Variants in DCBLD2 observed in about 807,000 individuals in gnomAD.
DCBLD2 encodes discoidin, CUB and LCCL domain-containing protein 2.
DCBLD2 carries 54 observed loss-of-function variants against 86.8 expected under a neutral mutation model. That is an observed-to-expected ratio of 0.62 (90% CI 0.50 to 0.78). The LOEUF (loss-of-function observed/expected upper bound fraction) is 0.78, where lower values mean the gene tolerates loss of function less well. DCBLD2 is among the 30% of genes least tolerant of loss of function. DCBLD2 has a pLI of 0.00. For synonymous variants in DCBLD2, 354 were observed against 341.3 expected (o/e 1.04, Z -0.41); for missense variants, 908 against 954.2 (o/e 0.95, Z 0.64).
intron 3 of DCBLD2, among the ~76,000 whole-genome samples, chr3:98,840,543 C>T (rs1942601396): frequency 1.3e-5 from 2 of 152,202 alleles, no homozygotes; most frequent in South Asian, 4.1e-4. Context: ...GTCACCGAGG[C>T]TAGAGTGCAG....
rs916918844 is a variant in DCBLD2, at chr3:98,857,958, C to T, written c.434-8360G>A. ...TGCAGGTGGAGCTGCCTGCCAGTCC[C>T]GCGCCGTGCGCCCGCACTCCTCAGC... is the stretch of plus-strand genomic sequence containing the variant. On this transcript the variant is annotated intron_variant, in intron 2 of 15. Coordinates refer to ENST00000326840, the MANE Select transcript of DCBLD2 (RefSeq NM_080927.4). Among the ~76,000 whole-genome samples the T allele has an allele frequency of 2.6e-5, 4 of 152,388 alleles. 1 individual carries two copies. The highest frequency in any genetic ancestry group is 6.5e-5 in the Admixed American group (1 of 15,314).
At chr3:98,823,103 C>A (rs1173089676) in intron 4 of DCBLD2, among the ~76,000 whole-genome samples, 1 of 152,130 alleles carries the variant, frequency 6.6e-6, no homozygotes, top group African/African-American at 2.4e-5. Context: ...AAACTCCTGA[C>A]CTCAGGTGAT....
chr3:98,833,932 G>A (rs1942371520), intron 3 of DCBLD2, among the ~76,000 whole-genome samples: 1 of 152,206 alleles, frequency 6.6e-6, no homozygotes, highest in African/African-American at 2.4e-5. Flanking sequence ...CCAGTGAGGA[G>A]ATATGGGAGT....
Position 98,798,193 on chromosome 3 carries a change from C to T in DCBLD2, c.*1179G>A, listed in dbSNP as rs1941648216. On this transcript the variant is annotated 3_prime_UTR_variant, in exon 16 of 16. Coordinates refer to ENST00000326840, the MANE Select transcript of DCBLD2 (RefSeq NM_080927.4). Reference sequence around the variant, plus strand: ...ATAGGACTACTCAAACCTCTTACCACACAAAGTGCACGATCACGCAGTCCT... The same window carrying T: ...ATAGGACTACTCAAACCTCTTACCATACAAAGTGCACGATCACGCAGTCCT... The T allele has an allele frequency of 6.6e-6, 1 of 152,178 alleles. No individual in the cohort carries two copies. Among genetic ancestry groups the T allele is most frequent in the South Asian group, 2.1e-4 (1 of 4,826 alleles). The allele number at this position is 152,178 out of a possible 1,614,324, so 9.4% of individuals were successfully genotyped here. A position where few individuals can be genotyped will look rare whatever the true frequency, so the allele number is the denominator to read the frequency against.
At position 98,836,822 on chromosome 3, in the gene DCBLD2, G is replaced by A. The variant is rs868650963; in HGVS notation, c.572-11456C>T. On this transcript the variant is annotated intron_variant, in intron 3 of 15. Transcript: ENST00000326840. ...GACGGGGTGGCTGGCCGGGCAGGGG[G>A]CCGACCCCCCCACCTCCCTCCCGGA... 6.4e-4 allele frequency among the ~76,000 whole-genome samples: 33 copies of A among 51,892 alleles called. 2 individuals are homozygous for A. The highest frequency in any genetic ancestry group is 1.8e-3 in the East Asian group (4 of 2,230). 34.0% of individuals were successfully genotyped at this position (51,892 alleles called of 152,430 possible). A position where few individuals can be genotyped will look rare whatever the true frequency, so the allele number is the denominator to read the frequency against.
chr3:98,881,340 T>C (rs890645468), intron 2 of DCBLD2, among the ~76,000 whole-genome samples, 200 bp downstream of exon 2: 1 of 151,462 alleles, frequency 6.6e-6, no homozygotes, highest in Admixed American at 6.6e-5. Context: ...GGTACCAATA[T>C]GTGCTTATTA....
chr3:98,885,416 A>AT (rs1196015261), intron 1 of DCBLD2, among the ~76,000 whole-genome samples: 7 of 49,126 alleles, frequency 1.4e-4, no homozygotes, highest in East Asian at 1.3e-3. Flanking sequence ...ACATATACAT[A>AT]TTTTTTTTGC....
In DCBLD2 at chr3:98,801,628, G is replaced by A. The variant is rs1192686933; in HGVS notation, c.1692C>T (p.Thr564=). The change falls in exon 14 of 16, where the codon ACC becomes ACT. Residue 564 remains threonine (T), a synonymous_variant. Transcript: ENST00000326840. The part of the protein sequence containing the change: ...WRNRKKKTEG[T]YDLPYWDRAG... ...CCCGGTCCCAGTAAGGTAAGTCATA[G>A]GTGCCTTCAGTTTTTTTCTTTCTGG... The A allele has an allele frequency of 3.7e-6, 6 of 1,609,118 alleles. No homozygotes were observed. The African/African-American group carries it at 5.3e-5, about 14-fold the overall frequency.
rs910731809 is a variant in DCBLD2 at position 98,901,214 on chromosome 3, G to A, written c.113C>T (p.Pro38Leu). The A allele has an allele frequency of 6.5e-7, 1 of 1,535,362 alleles. No homozygotes were observed. Among genetic ancestry groups the A allele is most frequent in the Non-Finnish European group, 8.7e-7 (1 of 1,146,122 alleles). Residue 38 changes from proline to leucine, a missense_variant, in exon 1 of 16, where the codon CCC (proline) becomes CTC (leucine). Pro to Leu is a moderately conservative substitution (Grantham distance 98). Around this residue, in one of 3 missense-constraint regions of DCBLD2, gnomAD observed 294 missense variants for 256.0 expected, o/e 1.15. Transcript: ENST00000326840. ...AALPLSRSLP[P>L]CSNSSSFSMP... is the part of the protein sequence containing the mutation. ...GGAGAAGGAGGAGGAGTTGGAGCAGGGAGGGAGGGAGCGGGAGAGGGGGAG... is the reference window on the plus strand; with the variant it reads ...GGAGAAGGAGGAGGAGTTGGAGCAGAGAGGGAGGGAGCGGGAGAGGGGGAG...
chr3:98,845,942 C>T (rs1326358359), intron 3 of DCBLD2, among the ~76,000 whole-genome samples: 2 of 152,216 alleles, frequency 1.3e-5, no homozygotes, highest in East Asian at 3.8e-4. Flanking sequence ...ACTCCCCACA[C>T]ACCTCTGGCC....
intron 4 of DCBLD2, among the ~76,000 whole-genome samples, chr3:98,825,023 C>T (rs1942190591): frequency 6.6e-6 from 1 of 152,104 alleles, no homozygotes; most frequent in African/African-American, 2.4e-5. Context: ...ACCTTTTCAA[C>T]TTTTACTAGG....
intron 12 of DCBLD2, 104 bp downstream of exon 12, chr3:98,811,090 A>G: frequency 7.5e-7 from 1 of 1,325,362 alleles, no homozygotes; most frequent in Non-Finnish European, 1.0e-6. Flanking sequence ...CTTAAAAACT[A>G]TAGTTGGAAG....
At chr3:98,881,891 A>G (rs764608826) in intron 1 of DCBLD2, 124 bp from the exon 2 acceptor site, 2 of 972,194 alleles carry the variant, frequency 2.1e-6, no homozygotes, top group Admixed American at 2.8e-5. Flanking sequence ...CATACTTTCT[A>G]TTTTATTTTT....
chr3:98,805,184 A>G (rs911639864), intron 13 of DCBLD2: 2 of 152,164 alleles, frequency 1.3e-5, no homozygotes, highest in African/African-American at 4.8e-5. Context: ...ATGCATCCTC[A>G]TTTTAAAGCG....
chr3:98,806,059 T>C (rs866148499), intron 13 of DCBLD2, among the ~76,000 whole-genome samples: 6 of 152,180 alleles, frequency 3.9e-5, no homozygotes, highest in Admixed American at 1.3e-4. Flanking sequence ...TCTCCTTCTG[T>C]AAAACGGGGC....
Position 98,901,481 on chromosome 3 carries a change from C to T in DCBLD2, c.-155G>A, listed in dbSNP as rs3087792. The T allele has an allele frequency of 0.012, 7,712 of 645,998 alleles. 439 individuals carry two copies. In the African/African-American group the frequency reaches 0.13, roughly 11 times the overall value. The allele number at this position is 645,998 out of a possible 1,614,324, so 40.0% of individuals were successfully genotyped here. A position where few individuals can be genotyped will look rare whatever the true frequency, so the allele number is the denominator to read the frequency against. On this transcript the variant is annotated 5_prime_UTR_variant, in exon 1 of 16. Coordinates refer to ENST00000326840, the MANE Select transcript of DCBLD2 (RefSeq NM_080927.4). ...GCCGGGACCCTTCCGCCCCTCACCC[C>T]GCTTTCACCTACTCCTCCTTCGTCC...
chr3:98,886,380 C>G (rs753457524), intron 1 of DCBLD2, among the ~76,000 whole-genome samples: 1 of 151,930 alleles, frequency 6.6e-6, no homozygotes, highest in African/African-American at 2.4e-5. Context: ...TGTGACCAGG[C>G]TACACCACCT....
At chr3:98,836,372 G>A (rs62278513) in intron 3 of DCBLD2, among the ~76,000 whole-genome samples, 60,417 of 143,944 alleles carry the variant, frequency 0.42, 12,965 homozygotes, top group Non-Finnish European at 0.44. Flanking sequence ...AACATGGAAC[G>A]TTAGTTCCAC....
intron 1 of DCBLD2, among the ~76,000 whole-genome samples, chr3:98,900,040 G>A (rs1943820494): frequency 6.6e-6 from 1 of 152,154 alleles, no homozygotes; most frequent in Non-Finnish European, 1.5e-5. Context: ...ACTCTATATA[G>A]AAACGTGTCT....
Sources: allele counts gnomAD v4.1 joint callset (sites outside exome capture counted in the v4.1 genomes callset), GRCh38; gene constraint gnomAD v4.1.1; regional missense constraint gnomAD v4.1.1; transcripts MANE v1.5; gene names NCBI Gene and HGNC (gene_info 2026-07-23, HGNC 2026-07-21).